CD9: variants seen among roughly 807,000 people sequenced by gnomAD.
CD9 encodes the protein CD9 molecule.
A neutral mutation model predicts 31.4 loss-of-function variants in CD9; 10 were observed. The ratio of observed to expected loss-of-function variants is 0.32; its 90% CI spans 0.20 to 0.54. The LOEUF (loss-of-function observed/expected upper bound fraction) is 0.54. CD9 is among the 20% of genes least tolerant of loss of function. The probability of loss-of-function intolerance (pLI) is 0.94; values close to 1 mark genes in which losing one functional copy is unlikely to be tolerated. For missense variants in CD9, 259 were observed against 300.1 expected (o/e 0.86, Z 1.01); for synonymous variants, 113 against 114.1 (o/e 0.99, Z 0.06).
At chr12:6,210,334 T>C (rs1946181514) in intron 1 of CD9, among the ~76,000 whole-genome samples, 1 of 152,130 alleles carries the variant, frequency 6.6e-6, no homozygotes, top group African/African-American at 2.4e-5. Flanking sequence ...GATGTGCGAG[T>C]TGCCCTGGAG....
intron 7 of CD9, chr12:6,236,570 TC>T (rs1433675128): frequency 2.1e-6 from 1 of 474,280 alleles, no homozygotes; most frequent in East Asian, 3.2e-5. Flanking sequence ...CTGCTAGTCC[TC>T]GGAGCATGTC....
At chr12:6,207,298 C>G (rs1019152057) in intron 1 of CD9, among the ~76,000 whole-genome samples, 7 of 152,172 alleles carry the variant, frequency 4.6e-5, no homozygotes, top group African/African-American at 1.7e-4. Context: ...CACCGTTCCC[C>G]GGGGGCTGCA....
chr12:6,232,277 T>C lies in CD9; in HGVS notation c.176-355T>C, dbSNP rs1946455435. 1 of 361,408 alleles carries C rather than the reference T, an allele frequency of 2.8e-6. No individual in the cohort carries two copies. The highest frequency in any genetic ancestry group is 5.2e-6 in the Non-Finnish European group (1 of 190,790). 22.4% of individuals were successfully genotyped at this position (361,408 alleles called of 1,614,324 possible). A position where few individuals can be genotyped will look rare whatever the true frequency, so the allele number is the denominator to read the frequency against. On this transcript the variant is annotated intron_variant, in intron 2 of 7. Transcript: ENST00000009180. The surrounding 1 kb of genome is among the most constrained non-coding windows in gnomAD (Gnocchi z 4.8). ...GCTAACTAGCTTGAGTGGATTCATC[T>C]TGCTGGAAAGAGCTGACAGACTGGA...
intron 1 of CD9, among the ~76,000 whole-genome samples, chr12:6,208,584 T>C (rs752714935): frequency 3.9e-5 from 6 of 152,224 alleles, no homozygotes; most frequent in Non-Finnish European, 8.8e-5. Flanking sequence ...TGTTCTTTTT[T>C]TTTTGAGGTG....
rs1249071087 is a variant in CD9, at chr12:6,232,134, C to G, written c.176-498C>G. ...TGGGAACAGGCAGAGTTGGTTCCCC[C>G]CACCCCTGGGTAGGGGGGTGCCTAG... On this transcript the variant is annotated intron_variant, in intron 2 of 7. Coordinates refer to ENST00000009180, the MANE Select transcript of CD9 (RefSeq NM_001769.4). This position sits in a 1 kb window ranked among gnomAD's most constrained non-coding sequence, Gnocchi z 4.8. The G allele has an allele frequency of 5.8e-6, 1 of 172,922 alleles. No individual in the cohort carries two copies. Among genetic ancestry groups the G allele is most frequent in the East Asian group, 1.8e-4 (1 of 5,664 alleles). 10.7% of individuals were successfully genotyped at this position (172,922 alleles called of 1,614,324 possible). A position where few individuals can be genotyped will look rare whatever the true frequency, so the allele number is the denominator to read the frequency against.
chr12:6,200,938 G>GC (rs1946068554), intron 1 of CD9: 1 of 196,412 alleles, frequency 5.1e-6, no homozygotes, highest in Non-Finnish European at 1.0e-5. Context: ...GAGAAGCGGA[G>GC]CACCCCTCTT....
chr12:6,237,856 G>A lies in CD9; in HGVS notation c.*28G>A, dbSNP rs760701551. On this transcript the variant is annotated 3_prime_UTR_variant, in exon 8 of 8. Transcript: ENST00000009180. ...TCAGCTTACATCCCTGAGCAGGAAA[G>A]TTTACCCATGAAGATTGGTGGGATT... The A allele has an allele frequency of 6.5e-7, 1 of 1,547,576 alleles. No homozygotes were observed. Among genetic ancestry groups the A allele is most frequent in the Non-Finnish European group, 8.9e-7 (1 of 1,120,682 alleles).
chr12:6,237,646 C>G (rs976275339), intron 7 of CD9, 117 bp from the exon 8 acceptor site: 16 of 693,048 alleles, frequency 2.3e-5, no homozygotes, highest in Admixed American at 1.6e-4. Flanking sequence ...GTTTGGCCTC[C>G]TGGATGCCAT....
intron 1 of CD9, 66 bp from the exon 2 acceptor site, chr12:6,225,360 A>C (rs2136625211): frequency 9.7e-7 from 1 of 1,032,148 alleles, no homozygotes; most frequent in Non-Finnish European, 1.5e-6. Context: ...TCTCACCCTT[A>C]AGCGCGTGGG....
At chr12:6,229,659 T>C (rs754270838) in intron 2 of CD9, among the ~76,000 whole-genome samples, 16 of 152,008 alleles carry the variant, frequency 1.1e-4, no homozygotes, top group Non-Finnish European at 2.9e-5. Flanking sequence ...CAAACGGGCG[T>C]GGTGAGTGCT....
intron 7 of CD9, 175 bp downstream of exon 7, chr12:6,236,450 A>G: frequency 3.2e-6 from 2 of 624,368 alleles, no homozygotes; most frequent in Non-Finnish European, 2.8e-6. Flanking sequence ...CGATGTTCTG[A>G]TCAAAGCCTC....
chr12:6,231,605 G>A (rs1946447466), intron 2 of CD9, among the ~76,000 whole-genome samples: 1 of 152,204 alleles, frequency 6.6e-6, no homozygotes, highest in African/African-American at 2.4e-5. Flanking sequence ...TTCCTTTGGT[G>A]GGTTGTGGAA....
chr12:6,236,164 G>T, intron 6 of CD9, 28 bp from the exon 7 acceptor site: 2 of 1,613,554 alleles, frequency 1.2e-6, no homozygotes, highest in South Asian at 2.2e-5. Flanking sequence ...GATTGTGTGT[G>T]ACCCAGGTCT....
chr12:6,233,599 C>A, intron 4 of CD9, 113 bp downstream of exon 4: 1 of 803,718 alleles, frequency 1.2e-6, no homozygotes, highest in Non-Finnish European at 2.1e-6. Flanking sequence ...GTTGACCAGG[C>A]CTCTTATCTC....
In CD9 at chr12:6,211,380, G is replaced by A. The variant is rs1346695966; in HGVS notation, c.66+10815G>A. ...GTTAGACAAGAGTTTGGGGATCTTG[G>A]CCTCCCTTGCTGGCTTGGGGTTTGC... is the stretch of plus-strand genomic sequence containing the variant. On this transcript the variant is annotated intron_variant, in intron 1 of 7. Coordinates refer to ENST00000009180, the MANE Select transcript of CD9 (RefSeq NM_001769.4). Among the ~76,000 whole-genome samples, 3 of 152,286 alleles carry A rather than the reference G, an allele frequency of 2.0e-5. No homozygotes were observed. In the East Asian group the frequency reaches 5.8e-4, roughly 29 times the overall value.
chr12:6,216,307 G>C (rs771701781), intron 1 of CD9, among the ~76,000 whole-genome samples: 15 of 152,206 alleles, frequency 9.9e-5, no homozygotes, highest in Admixed American at 2.0e-4. Flanking sequence ...AAAACTGCTG[G>C]TGTGGGAAAC....
At chr12:6,215,905 C>G (rs571433458) in intron 1 of CD9, among the ~76,000 whole-genome samples, 2 of 152,160 alleles carry the variant, frequency 1.3e-5, no homozygotes, top group Admixed American at 6.5e-5. Context: ...TTCTTGTTCC[C>G]GGTGTTTACT....
intron 1 of CD9, among the ~76,000 whole-genome samples, chr12:6,215,659 G>A (rs192478766): frequency 1.5e-3 from 226 of 152,308 alleles, no homozygotes; most frequent in Middle Eastern, 3.4e-3. Flanking sequence ...CTGGAGAGGA[G>A]AGATGGCCCC....
chr12:6,225,956 T>C (rs1356807413), intron 2 of CD9, among the ~76,000 whole-genome samples: 6 of 152,176 alleles, frequency 3.9e-5, no homozygotes, highest in African/African-American at 1.4e-4. Flanking sequence ...TCCTCTTCAC[T>C]GTTCAGATAG....
Sources: gnomAD v4.1 joint callset for allele counts (sites outside exome capture counted in the v4.1 genomes callset) on GRCh38, gnomAD v4.1.1 for gene constraint, Gnocchi (gnomAD v3.1) non-coding constraint, MANE v1.5 for transcripts, NCBI Gene and HGNC (gene_info 2026-07-23, HGNC 2026-07-21) for gene names.